The following MSI2 variants were observed in gnomAD, a reference collection of about 807,000 sequenced individuals.
MSI2 encodes musashi RNA binding protein 2, also known as RNA-binding protein Musashi homolog 2.
MSI2 carries 17 observed loss-of-function variants against 45.6 expected under a neutral mutation model. That is an observed-to-expected ratio of 0.37 (90% CI 0.26 to 0.56). MSI2 has a LOEUF of 0.56. Ranked by LOEUF, MSI2 falls within the 20% of genes least tolerant of loss-of-function variation. MSI2 has a pLI of 0.77. For missense variants in MSI2, 293 were observed against 444.2 expected (o/e 0.66, Z 3.06); for synonymous variants, 156 against 158.2 (o/e 0.99, Z 0.11).
At chr17:57,571,283 G>A (rs1475665937) in intron 7 of MSI2, among the ~76,000 whole-genome samples, 1 of 152,180 alleles carries the variant, frequency 6.6e-6, no homozygotes, top group Non-Finnish European at 1.5e-5. Context: ...CCCTGGGAAG[G>A]GGAGAATCAA....
chr17:57,635,947 A>G (rs1374397512), intron 10 of MSI2, among the ~76,000 whole-genome samples: 1 of 152,124 alleles, frequency 6.6e-6, no homozygotes, highest in Non-Finnish European at 1.5e-5. Flanking sequence ...CTGTCCAATG[A>G]TGGTTCTTCG....
rs1405039515 is a variant in MSI2, at chr17:57,632,183, G to A, written c.727+4880G>A. On this transcript the variant is annotated intron_variant, in intron 10 of 13. Coordinates refer to ENST00000284073, the MANE Select transcript of MSI2 (RefSeq NM_138962.4). ...AAGACATCAAATGTTTTTAAGTCATGACCAAACAGGCTTGTTGGGGACATA... is the reference window on the plus strand; with the variant it reads ...AAGACATCAAATGTTTTTAAGTCATAACCAAACAGGCTTGTTGGGGACATA... 4 of 1,163,612 alleles carry A rather than the reference G, an allele frequency of 3.4e-6. No individual in the cohort carries two copies. In the African/African-American group the frequency reaches 6.3e-5, roughly 18 times the overall value. 72.1% of individuals were successfully genotyped at this position (1,163,612 alleles called of 1,614,324 possible). A position where few individuals can be genotyped will look rare whatever the true frequency, so the allele number is the denominator to read the frequency against.
At chr17:57,513,273 T>G (rs2086397047) in intron 6 of MSI2, among the ~76,000 whole-genome samples, 1 of 152,138 alleles carries the variant, frequency 6.6e-6, no homozygotes, top group African/African-American at 2.4e-5. Flanking sequence ...CACGCTCGGC[T>G]GAATTAGCAT....
chr17:57,275,755 G>A (rs1908786683), intron 5 of MSI2, among the ~76,000 whole-genome samples: 2 of 152,072 alleles, frequency 1.3e-5, no homozygotes, highest in African/African-American at 4.8e-5. Context: ...GGAGAGAAGG[G>A]GTGGCCAGGA....
chr17:57,439,138 C>T (rs1370540221), intron 6 of MSI2, among the ~76,000 whole-genome samples: 4 of 152,172 alleles, frequency 2.6e-5, no homozygotes, highest in Admixed American at 6.5e-5. Flanking sequence ...GGGACACTTT[C>T]ATTAGGTTTC....
At chr17:57,435,833 G>C (rs181018193) in intron 6 of MSI2, among the ~76,000 whole-genome samples, 2 of 152,298 alleles carry the variant, frequency 1.3e-5, no homozygotes, top group Admixed American at 6.5e-5. Flanking sequence ...GGAGGGGTAG[G>C]GGGTAAGCCC....
chr17:57,669,825 C>A (rs1360816587), intron 11 of MSI2, among the ~76,000 whole-genome samples: 1 of 152,306 alleles, frequency 6.6e-6, no homozygotes, highest in East Asian at 1.9e-4. Flanking sequence ...GCATTTGCCT[C>A]CCCGAGCCAC....
At chr17:57,282,028 C>A (rs754112988) in intron 5 of MSI2, among the ~76,000 whole-genome samples, 1 of 152,174 alleles carries the variant, frequency 6.6e-6, no homozygotes, top group African/African-American at 2.4e-5. Flanking sequence ...GCTTTGACTT[C>A]CCTAGCTTTA....
At chr17:57,309,873 A>G (rs949278266) in intron 5 of MSI2, among the ~76,000 whole-genome samples, 4 of 152,188 alleles carry the variant, frequency 2.6e-5, no homozygotes, top group African/African-American at 7.2e-5. Flanking sequence ...TTAGTAATCA[A>G]TAGATTCAGA....
chr17:57,655,198 G>A (rs986523378), intron 11 of MSI2, among the ~76,000 whole-genome samples: 9 of 152,046 alleles, frequency 5.9e-5, no homozygotes, highest in African/African-American at 1.4e-4. Flanking sequence ...GGTCCCTGCC[G>A]ACTCCTAGAT....
intron 7 of MSI2, among the ~76,000 whole-genome samples, chr17:57,558,485 G>A (rs986883506): frequency 6.6e-5 from 10 of 152,146 alleles, no homozygotes; most frequent in South Asian, 4.1e-4. Flanking sequence ...GACACCCAGC[G>A]TGTTGCCTAG....
intron 6 of MSI2, among the ~76,000 whole-genome samples, chr17:57,499,425 T>G (rs2086052268): frequency 6.6e-6 from 1 of 151,046 alleles, no homozygotes; most frequent in Non-Finnish European, 1.5e-5. Flanking sequence ...TATGCATTCT[T>G]CTCACCCCAC....
Position 57,552,039 on chromosome 17 carries a change from G to A in MSI2, c.454+22315G>A, listed in dbSNP as rs1334073156. ...CTGCATAGAGGGGTTTTCTGGAACA[G>A]AGAATGTGCTGGACCTAGAGCCCCT... On this transcript the variant is annotated intron_variant, in intron 7 of 13. Coordinates refer to ENST00000284073, the MANE Select transcript of MSI2 (RefSeq NM_138962.4). The surrounding 1 kb of genome is among the most constrained non-coding windows in gnomAD (Gnocchi z 4.3). Among the ~76,000 whole-genome samples the A allele has an allele frequency of 6.6e-6, 1 of 152,160 alleles. No homozygotes were observed. The highest frequency in any genetic ancestry group is 1.5e-5 in the Non-Finnish European group (1 of 68,034).
intron 10 of MSI2, chr17:57,628,848 C>G (rs915189037): frequency 5.9e-5 from 9 of 152,754 alleles, no homozygotes; most frequent in Admixed American, 3.3e-4. Context: ...TGGCCACAGG[C>G]TCCCAGACCT....
At chr17:57,413,100 G>C (rs2084226535) in intron 6 of MSI2, among the ~76,000 whole-genome samples, 1 of 152,182 alleles carries the variant, frequency 6.6e-6, no homozygotes, top group South Asian at 2.1e-4. Context: ...TGAGACTCTG[G>C]AGTTTCCACT....
intron 5 of MSI2, 84 bp downstream of exon 5, chr17:57,262,276 A>G (rs1036509815): frequency 1.4e-6 from 2 of 1,425,174 alleles, no homozygotes; most frequent in African/African-American, 2.8e-5. Flanking sequence ...TTGGCCATGA[A>G]CTGTTGAAGC....
intron 5 of MSI2, among the ~76,000 whole-genome samples, chr17:57,355,159 C>G (rs942880381): frequency 1.5e-4 from 23 of 152,292 alleles, no homozygotes; most frequent in African/African-American, 5.5e-4. Flanking sequence ...TGTCCCTCAT[C>G]TCTCCTCTCT....
intron 5 of MSI2, among the ~76,000 whole-genome samples, chr17:57,290,611 C>T (rs993462576): frequency 6.6e-6 from 1 of 152,300 alleles, no homozygotes; most frequent in African/African-American, 2.4e-5. Flanking sequence ...CTGTCCCTGG[C>T]CTGGTTATAT....
At chr17:57,367,661 A>G (rs552896299) in intron 5 of MSI2, among the ~76,000 whole-genome samples, 31 of 152,286 alleles carry the variant, frequency 2.0e-4, no homozygotes, top group African/African-American at 7.5e-4. Context: ...AAATCAGAGC[A>G]TCTTAAATCC....
Sources: allele counts gnomAD v4.1 joint callset (sites outside exome capture counted in the v4.1 genomes callset), GRCh38; gene constraint gnomAD v4.1.1; non-coding constraint Gnocchi (gnomAD v3.1); transcripts MANE v1.5; gene names NCBI Gene and HGNC (gene_info 2026-07-23, HGNC 2026-07-21).